SLC2A5: variants seen among roughly 807,000 people sequenced by gnomAD.
SLC2A5 encodes the protein solute carrier family 2 member 5.
A neutral mutation model predicts 50.3 loss-of-function variants in SLC2A5; 56 were observed. That is an observed-to-expected ratio of 1.11 (90% CI 0.90 to 1.39). The LOEUF is 1.39. Ranked by LOEUF, SLC2A5 falls within the 40% of genes most tolerant of loss-of-function variation. The pLI is 0.00. For synonymous variants in SLC2A5, 269 were observed against 281.9 expected (o/e 0.95, Z 0.46); for missense variants, 566 against 650.1 (o/e 0.87, Z 1.41).
chr1:9,038,072 C>A, intron 10 of SLC2A5, 48 bp from the exon 11 acceptor site: 2 of 1,600,302 alleles, frequency 1.2e-6, no homozygotes, highest in East Asian at 2.2e-5. Context: ...CGGGCCCGAG[C>A]ATCCCAGGCC....
chr1:9,040,228 C>T lies in SLC2A5; in HGVS notation c.572-39G>A, dbSNP rs114683814. 3,757 of 1,537,214 alleles carry T rather than the reference C, an allele frequency of 2.4e-3. 72 individuals are homozygous for T. The African/African-American group carries it at 0.044, about 18-fold the overall frequency. ...AGCGAGCTGGCACCAGCGGCCTCCC[C>T]ACCACCCCGAAGGCGCCCTCTGCAG... On this transcript the variant is annotated intron_variant, in intron 5 of 11. Transcript: ENST00000377424. This position sits in a 1 kb window ranked among gnomAD's most constrained non-coding sequence, Gnocchi z 4.3.
In SLC2A5 at chr1:9,038,811, C is replaced by A; in HGVS notation, c.1098+17G>T. 1 of 1,576,942 alleles carries A rather than the reference C, an allele frequency of 6.3e-7. No homozygotes were observed. ...CTGGTGCAGCTCCGGGCTCCTGGGA[C>A]CCTGGCCTGTCCTCACCTGCAGTGC... On this transcript the variant is annotated intron_variant, in intron 9 of 11. Transcript: ENST00000377424.
intron 1 of SLC2A5, among the ~76,000 whole-genome samples, chr1:9,067,893 A>C (rs1642123360): frequency 6.6e-6 from 1 of 152,196 alleles, no homozygotes; most frequent in Non-Finnish European, 1.5e-5. Flanking sequence ...ATTGAAAAGT[A>C]GTAACATTTA....
chr1:9,044,148 G>A (rs1323423399), intron 4 of SLC2A5, among the ~76,000 whole-genome samples: 2 of 151,254 alleles, frequency 1.3e-5, no homozygotes, highest in Admixed American at 6.6e-5. Context: ...AGCCAACATG[G>A]TGAAACCCCA....
At position 9,037,068 on chromosome 1, in the gene SLC2A5, C is replaced by T. The variant is rs555583622; in HGVS notation, c.*518G>A. ...CCACAGGAACCTGTTCCTCAGCTTTCTGGATGTCATTGTTTCTGACATCAC... is the reference window on the plus strand; with the variant it reads ...CCACAGGAACCTGTTCCTCAGCTTTTTGGATGTCATTGTTTCTGACATCAC... On this transcript the variant is annotated 3_prime_UTR_variant, in exon 12 of 12. Transcript: ENST00000377424. 1 of 158,150 alleles carries T rather than the reference C, an allele frequency of 6.3e-6. No homozygotes were observed. Among genetic ancestry groups the T allele is most frequent in the East Asian group, 1.8e-4 (1 of 5,448 alleles). 9.8% of individuals were successfully genotyped at this position (158,150 alleles called of 1,614,324 possible).
At chr1:9,067,528 A>G (rs1426301436) in intron 1 of SLC2A5, among the ~76,000 whole-genome samples, 2 of 151,452 alleles carry the variant, frequency 1.3e-5, no homozygotes, top group Non-Finnish European at 2.9e-5. Context: ...ACAGCGGAGG[A>G]CCTCCCTGGA....
At chr1:9,090,239 A>G (rs1642449122), upstream of SLC2A5, among the ~76,000 whole-genome samples, 2 of 152,206 alleles carry the variant, frequency 1.3e-5, no homozygotes, top group African/African-American at 4.8e-5. Flanking sequence ...CTCCTCAGAC[A>G]TTCAACATCA....
chr1:9,050,277 C>CAA (rs34430168), intron 3 of SLC2A5, among the ~76,000 whole-genome samples: 51 of 139,780 alleles, frequency 3.6e-4, no homozygotes, highest in South Asian at 1.6e-3. Flanking sequence ...GACTCTGTCT[C>CAA]AAAAAAAAAA....
rs184938553 is a variant in SLC2A5, at chr1:9,084,593, T to C, written c.-59+421A>G. Among the ~76,000 whole-genome samples, 1,106 of 152,310 alleles carry C rather than the reference T, an allele frequency of 7.3e-3. 4 individuals are homozygous for C. The highest frequency in any genetic ancestry group is 0.012 in the Non-Finnish European group (815 of 68,020). ...GCCCCGGGCCCACCATCCCAGCCTG[T>C]TGAACATGTTCCAGCACATCACGGA... On this transcript the variant is annotated intron_variant, in intron 2 of 5. Transcript: ENST00000464985.
Position 9,038,122 on chromosome 1 carries a change from A to C in SLC2A5, c.1175-98T>G, listed in dbSNP as rs141181288. Reference sequence around the variant, plus strand: ...CACCAGGTAGCTGGCCCCAGGACAGAGGCGTCTCCAGGACTCTTGGGCATG... The same window carrying C: ...CACCAGGTAGCTGGCCCCAGGACAGCGGCGTCTCCAGGACTCTTGGGCATG... On this transcript the variant is annotated intron_variant, in intron 10 of 11. Coordinates refer to ENST00000377424, the MANE Select transcript of SLC2A5 (RefSeq NM_003039.3). 585 of 1,392,036 alleles carry C rather than the reference A, an allele frequency of 4.2e-4. 1 individual carries two copies. In the African/African-American group the frequency reaches 7.5e-3, roughly 18 times the overall value. 86.2% of individuals were successfully genotyped at this position (1,392,036 alleles called of 1,614,324 possible). A position where few individuals can be genotyped will look rare whatever the true frequency, so the allele number is the denominator to read the frequency against.
intron 1 of SLC2A5, among the ~76,000 whole-genome samples, chr1:9,067,444 T>TG (rs1642111411): frequency 6.6e-6 from 1 of 152,206 alleles, no homozygotes; most frequent in African/African-American, 2.4e-5. Flanking sequence ...GCCTGCCACG[T>TG]GGGGGTGTTT....
upstream of SLC2A5, among the ~76,000 whole-genome samples, chr1:9,070,067 T>C (rs1424865970): frequency 1.4e-5 from 2 of 147,842 alleles, no homozygotes; most frequent in East Asian, 4.0e-4. Flanking sequence ...AGTTTCTCAT[T>C]TTCTGTTTTT....
chr1:9,082,574 G>A (rs776179750), intron 2 of SLC2A5: 31 of 156,378 alleles, frequency 2.0e-4, no homozygotes, highest in Non-Finnish European at 3.7e-4. Context: ...GTACTCATAC[G>A]TGCTACATGA....
intron 3 of SLC2A5, among the ~76,000 whole-genome samples, chr1:9,053,271 T>A (rs532360765): frequency 0.012 from 37 of 2,964 alleles, 2 homozygotes; most frequent in African/African-American, 0.029. Flanking sequence ...ATATTTATAT[T>A]ATATATTTAT....
intron 1 of SLC2A5, among the ~76,000 whole-genome samples, chr1:9,086,527 TA>T (rs1642403598): frequency 6.6e-6 from 1 of 152,082 alleles, no homozygotes; most frequent in Admixed American, 6.5e-5. Flanking sequence ...CAGCTAGGAT[TA>T]CAGGCATGCA....
At chr1:9,057,944 C>A (rs540896149) in intron 2 of SLC2A5, among the ~76,000 whole-genome samples, 2 of 152,206 alleles carry the variant, frequency 1.3e-5, no homozygotes, top group Non-Finnish European at 1.5e-5. Context: ...TCCTAGAGCC[C>A]GGCCCACTGT....
chr1:9,037,515 CTAGAAGTCAGA>C lies in SLC2A5; in HGVS notation c.*60_*70del. On this transcript the variant is annotated 3_prime_UTR_variant, in exon 12 of 12. Transcript: ENST00000377424. ...TTTATTTCTGGATATTCACAGACAGCTAGAAGTCAGAAAAATAAGCCAAAGTGGGAAGCCCC... is the reference window on the plus strand; with the variant it reads ...TTTATTTCTGGATATTCACAGACAGCAAAATAAGCCAAAGTGGGAAGCCCC... 2 of 1,280,312 alleles carry C rather than the reference CTAGAAGTCAGA, an allele frequency of 1.6e-6. No homozygotes were observed. Among genetic ancestry groups the C allele is most frequent in the Middle Eastern group, 4.5e-4 (2 of 4,398 alleles). The allele number at this position is 1,280,312 out of a possible 1,614,324, so 79.3% of individuals were successfully genotyped here. A position where few individuals can be genotyped will look rare whatever the true frequency, so the allele number is the denominator to read the frequency against.
rs368661178 is a variant in SLC2A5, at chr1:9,038,427, G to A, written c.1174+4C>T. On this transcript the variant is annotated splice_donor_region_variant and intron_variant, in intron 10 of 11. Coordinates refer to ENST00000377424, the MANE Select transcript of SLC2A5 (RefSeq NM_003039.3). ...ACACCCTGAGGCCAGCTTTGGGTAC[G>A]TACTGGGCCCGAGGGCATGTCCTAT... The A allele has an allele frequency of 2.5e-5, 40 of 1,610,468 alleles. No individual in the cohort carries two copies. The highest frequency in any genetic ancestry group is 2.3e-4 in the African/African-American group (17 of 74,978).
At chr1:9,059,350 A>G (rs1049720732) in intron 1 of SLC2A5, among the ~76,000 whole-genome samples, 50 of 150,340 alleles carry the variant, frequency 3.3e-4, no homozygotes, top group African/African-American at 1.1e-3. Context: ...TCACTGTGTT[A>G]GCCAGGATGG....
Sources: gnomAD v4.1 joint callset for allele counts (sites outside exome capture counted in the v4.1 genomes callset) on GRCh38, gnomAD v4.1.1 for gene constraint, Gnocchi (gnomAD v3.1) non-coding constraint, MANE v1.5 for transcripts, NCBI Gene and HGNC (gene_info 2026-07-23, HGNC 2026-07-21) for gene names.